Variants in INSL6 observed in about 807,000 individuals in gnomAD.
INSL6 encodes insulin like 6.
In INSL6, 16 loss-of-function variants were observed where a neutral mutation model predicts 9.4. That is an observed-to-expected ratio of 1.70 (90% CI 1.15 to 2.59). INSL6 has a LOEUF of 2.59. Ranked by LOEUF, INSL6 falls within the 30% of genes most tolerant of loss-of-function variation. The pLI is 0.00. For synonymous variants in INSL6, 154 were observed against 96.9 expected, an observed-to-expected ratio of 1.59 and a Z score of -3.46; for missense variants, 391 against 257.3, an observed-to-expected ratio of 1.52 and a Z score of -3.56.
chr9:5,001,409 T>A, the INSL6 span, among the ~76,000 whole-genome samples: 1 of 152,178 alleles, frequency 6.6e-6, no homozygotes. Flanking sequence ...GGTGTTGACT[T>A]TTGTCAAATG....
intron 1 of INSL6, among the ~76,000 whole-genome samples, chr9:5,176,777 G>C (rs974665422): frequency 2.0e-5 from 3 of 151,008 alleles, no homozygotes; most frequent in African/African-American, 7.3e-5. Flanking sequence ...TCATTTTCAA[G>C]TGATAAAAAA....
At chr9:5,167,540 C>G (rs1240410387) in intron 1 of INSL6, among the ~76,000 whole-genome samples, 1 of 152,232 alleles carries the variant, frequency 6.6e-6, no homozygotes, top group African/African-American at 2.4e-5. Flanking sequence ...CCAATCCATT[C>G]CCCCTCACGG....
At chr9:5,069,111 C>T in the INSL6 span, 7 of 1,610,636 alleles carry the variant, frequency 4.3e-6, no homozygotes, top group African/African-American at 6.7e-5. Flanking sequence ...AGAACTTCAG[C>T]AGTCTTAAAG....
the INSL6 span, chr9:5,111,199 G>C: frequency 1.6e-6 from 1 of 642,982 alleles, no homozygotes; most frequent in East Asian, 3.8e-5. Flanking sequence ...CCTGGGACCG[G>C]GACTCGGAGG....
chr9:5,175,140 A>T (rs1254027743), intron 1 of INSL6, among the ~76,000 whole-genome samples: 3 of 151,868 alleles, frequency 2.0e-5, no homozygotes, highest in African/African-American at 7.3e-5. Context: ...TGGGGTTTCA[A>T]CGTGTTAGCC....
the INSL6 span, among the ~76,000 whole-genome samples, chr9:5,019,917 G>C: frequency 6.6e-6 from 1 of 152,234 alleles, no homozygotes; most frequent in Non-Finnish European, 1.5e-5. Flanking sequence ...TCAGTCCTCA[G>C]TTGTGGCAGC....
intron 2 of INSL6, among the ~76,000 whole-genome samples, chr9:5,146,118 T>G (rs906852001): frequency 6.7e-6 from 1 of 149,710 alleles, no homozygotes; most frequent in African/African-American, 2.5e-5. Context: ...AACCTTTGGG[T>G]TTTTTTTTTC....
chr9:5,176,903 A>G (rs1450383046), intron 1 of INSL6, among the ~76,000 whole-genome samples: 2 of 152,246 alleles, frequency 1.3e-5, no homozygotes, highest in Non-Finnish European at 2.9e-5. Flanking sequence ...ACTAGTAAAT[A>G]TAATTCACAG....
chr9:5,055,985 G>C, the INSL6 span, among the ~76,000 whole-genome samples: 1 of 151,932 alleles, frequency 6.6e-6, no homozygotes, highest in Non-Finnish European at 1.5e-5. Flanking sequence ...TTCCTACAGA[G>C]TTTCTTGTAC....
downstream of INSL6, among the ~76,000 whole-genome samples, chr9:5,159,591 A>G (rs1190078535): frequency 6.6e-6 from 1 of 152,198 alleles, no homozygotes; most frequent in Non-Finnish European, 1.5e-5. Context: ...CAATTCAGTA[A>G]AAAGATGTAA....
chr9:5,059,855 AGT>A, the INSL6 span, among the ~76,000 whole-genome samples: 3 of 152,172 alleles, frequency 2.0e-5, no homozygotes, highest in Non-Finnish European at 4.4e-5. Context: ...CTTCTTATGA[AGT>A]GCCTGTGACA....
chr9:5,113,970 A>C, the INSL6 span: 1,640 of 273,314 alleles, frequency 6.0e-3, 23 homozygotes, highest in African/African-American at 0.035. Flanking sequence ...CCCAGGTGCC[A>C]TCAGCATCAC....
At chr9:5,080,210 T>C in the INSL6 span, 1 of 1,587,834 alleles carries the variant, frequency 6.3e-7, no homozygotes, top group Non-Finnish European at 8.6e-7. Context: ...AACCCTACTC[T>C]GTTCGTATCA....
the INSL6 span, among the ~76,000 whole-genome samples, chr9:5,064,198 A>G: frequency 6.6e-6 from 1 of 151,800 alleles, no homozygotes; most frequent in Non-Finnish European, 1.5e-5. Flanking sequence ...ACATATCCTA[A>G]CATTTTAGTT....
At chr9:5,072,391 T>C in the INSL6 span, 25 of 794,730 alleles carry the variant, frequency 3.1e-5, no homozygotes, top group Non-Finnish European at 4.7e-5. Flanking sequence ...AAATACTTGC[T>C]TATGGATTTA....
the INSL6 span, among the ~76,000 whole-genome samples, chr9:5,116,555 G>A: frequency 6.6e-6 from 1 of 152,032 alleles, no homozygotes; most frequent in South Asian, 2.1e-4. Flanking sequence ...AAATTAAAGA[G>A]GTTAAATAAA....
At chr9:5,102,758 G>T in the INSL6 span, among the ~76,000 whole-genome samples, 6 of 152,100 alleles carry the variant, frequency 3.9e-5, no homozygotes. Context: ...TAGAGAAAAA[G>T]ACTTTTCAAC....
At chr9:5,098,299 C>G in the INSL6 span, 1 of 152,140 alleles carries the variant, frequency 6.6e-6, no homozygotes, top group Non-Finnish European at 1.5e-5. Flanking sequence ...CATTACGTAA[C>G]TTTGTCAAAG....
the INSL6 span, among the ~76,000 whole-genome samples, chr9:5,063,726 T>C: frequency 2.0e-5 from 3 of 152,250 alleles, no homozygotes; most frequent in East Asian, 5.8e-4. Context: ...TTATTGATAT[T>C]GCATCCTCTT....
Sources: gnomAD v4.1 joint callset for allele counts (sites outside exome capture counted in the v4.1 genomes callset) on GRCh38, gnomAD v4.1.1 for gene constraint, MANE v1.5 for transcripts, NCBI Gene and HGNC (gene_info 2026-07-23, HGNC 2026-07-21) for gene names.